The following FRMD4B variants were observed in gnomAD, a reference collection of about 807,000 sequenced individuals.
FRMD4B encodes FERM domain containing 4B, also known as FERM domain-containing protein 4B.
Under a neutral mutation model 141.5 loss-of-function variants are expected in FRMD4B, and 74 were observed. The ratio of observed to expected loss-of-function variants is 0.52; its 90% confidence interval spans 0.43 to 0.63. The LOEUF (loss-of-function observed/expected upper bound fraction) is 0.63, where lower values mean the gene tolerates loss of function less well. Among genes scored for constraint, FRMD4B ranks in the 30% least tolerant of loss-of-function variants. The pLI is 0.00. For missense variants in FRMD4B, 1,366 were observed against 1,253.4 expected, an observed-to-expected ratio of 1.09 and a Z score of -1.36; for synonymous variants, 506 against 467.9, an observed-to-expected ratio of 1.08 and a Z score of -1.05.
intron 7 of FRMD4B, among the ~76,000 whole-genome samples, chr3:69,235,197 A>T (rs957482780): frequency 1.7e-4 from 24 of 141,104 alleles, no homozygotes; most frequent in African/African-American, 6.0e-4. Context: ...AATAATAATA[A>T]TATTTTCAAG....
chr3:69,459,134 CT>C (rs1167849275), intron 1 of FRMD4B, among the ~76,000 whole-genome samples: 2 of 152,162 alleles, frequency 1.3e-5, no homozygotes, highest in African/African-American at 4.8e-5. Flanking sequence ...GATCCACTGC[CT>C]TTTTTCTTGC....
intron 2 of FRMD4B, among the ~76,000 whole-genome samples, chr3:69,427,045 A>G (rs898631360): frequency 1.3e-5 from 2 of 152,134 alleles, no homozygotes; most frequent in African/African-American, 2.4e-5. Context: ...GAAAAATGTC[A>G]GCCTGTCTCA....
intron 19 of FRMD4B, among the ~76,000 whole-genome samples, chr3:69,186,977 AT>A (rs749242652): frequency 2.0e-5 from 3 of 152,156 alleles, no homozygotes; most frequent in Non-Finnish European, 4.4e-5. Context: ...TGCCCTGATA[AT>A]ATTTACCTGA....
chr3:69,211,717 T>TTATA (rs748240262), intron 11 of FRMD4B, among the ~76,000 whole-genome samples: 8 of 152,316 alleles, frequency 5.3e-5, no homozygotes, highest in Non-Finnish European at 7.3e-5. Flanking sequence ...AGGCCTCTCA[T>TTATA]TATAGCCTTT....
At chr3:69,202,949 A>G (rs1305993327) in intron 11 of FRMD4B, among the ~76,000 whole-genome samples, 1 of 152,110 alleles carries the variant, frequency 6.6e-6, no homozygotes, top group African/African-American at 2.4e-5. Flanking sequence ...AAGGTTACAA[A>G]CCTTATCTTA....
chr3:69,410,487 C>T (rs575790928), intron 2 of FRMD4B, among the ~76,000 whole-genome samples: 13 of 151,642 alleles, frequency 8.6e-5, no homozygotes, highest in African/African-American at 3.1e-4. Context: ...AGTGTATGAA[C>T]GTGTATGTAG....
chr3:69,352,742 A>C (rs538284405), intron 1 of FRMD4B, among the ~76,000 whole-genome samples: 7 of 152,352 alleles, frequency 4.6e-5, no homozygotes, highest in African/African-American at 1.7e-4. Flanking sequence ...AGCCGTCCCC[A>C]AAAATGGCAT....
At chr3:69,277,656 C>T (rs1360780221) in intron 5 of FRMD4B, among the ~76,000 whole-genome samples, 4 of 150,222 alleles carry the variant, frequency 2.7e-5, no homozygotes, top group African/African-American at 7.3e-5. Flanking sequence ...CTCCCCGTCC[C>T]GAGTAGCTGG....
chr3:69,470,962 A>C (rs1705878864), intron 1 of FRMD4B, among the ~76,000 whole-genome samples: 1 of 152,224 alleles, frequency 6.6e-6, no homozygotes, highest in African/African-American at 2.4e-5. Flanking sequence ...GATTAACTGC[A>C]TCAGAAATAC....
chr3:69,439,920 T>C (rs1278446137), intron 1 of FRMD4B, among the ~76,000 whole-genome samples: 1 of 152,248 alleles, frequency 6.6e-6, no homozygotes, highest in Non-Finnish European at 1.5e-5. Context: ...TCTATTTTTC[T>C]ATTGGGTAGT....
At chr3:69,482,975 C>A (rs1291975192) in intron 1 of FRMD4B, among the ~76,000 whole-genome samples, 1 of 152,234 alleles carries the variant, frequency 6.6e-6, no homozygotes, top group Non-Finnish European at 1.5e-5. Flanking sequence ...CTAGATAGAA[C>A]TGAGTAACAT....
intron 2 of FRMD4B, among the ~76,000 whole-genome samples, chr3:69,419,893 G>A (rs142569285): frequency 2.4e-4 from 37 of 152,336 alleles, no homozygotes; most frequent in Non-Finnish European, 4.6e-4. Context: ...GTTTTGCCCT[G>A]TCGCCCAGGC....
intron 17 of FRMD4B, 64 bp from the exon 18 acceptor site, chr3:69,190,016 T>C: frequency 6.8e-6 from 6 of 878,296 alleles, no homozygotes; most frequent in Non-Finnish European, 1.1e-5. Context: ...GGGTCTTAGA[T>C]AAACAATTTT....
chr3:69,342,151 T>C (rs904688526), intron 1 of FRMD4B, among the ~76,000 whole-genome samples: 6 of 152,206 alleles, frequency 3.9e-5, no homozygotes, highest in Admixed American at 3.3e-4. Context: ...GAAGGCTTTT[T>C]ATAACTTCCT....
intron 1 of FRMD4B, among the ~76,000 whole-genome samples, chr3:69,535,107 T>TG (rs1701064993): frequency 6.6e-6 from 1 of 152,194 alleles, no homozygotes; most frequent in African/African-American, 2.4e-5. Context: ...ACTTTATAGA[T>TG]GAAGAAACTG....
chr3:69,190,502 C>A (rs1408240705), intron 17 of FRMD4B, among the ~76,000 whole-genome samples: 2 of 151,948 alleles, frequency 1.3e-5, no homozygotes, highest in African/African-American at 4.8e-5. Flanking sequence ...GCAGCCTCAA[C>A]CTCCTGGGCT....
chr3:69,416,363 C>T (rs1019633686), intron 2 of FRMD4B, among the ~76,000 whole-genome samples: 1 of 152,174 alleles, frequency 6.6e-6, no homozygotes, highest in Non-Finnish European at 1.5e-5. Flanking sequence ...AAACTGCATC[C>T]TTGAATTTCT....
intron 1 of FRMD4B, among the ~76,000 whole-genome samples, chr3:69,540,637 ATATATAT>A (rs1443014271): frequency 3.9e-5 from 2 of 51,202 alleles, no homozygotes; most frequent in East Asian, 7.9e-4. Flanking sequence ...AAAAAAAAAA[ATATATAT>A]ATATATATAT....
chr3:69,350,014 A>G (rs1443782628), intron 1 of FRMD4B, among the ~76,000 whole-genome samples: 1 of 152,240 alleles, frequency 6.6e-6, no homozygotes, highest in Admixed American at 6.5e-5. Flanking sequence ...CAGCAAAAAA[A>G]CTATCATCAG....
Sources: gnomAD v4.1 joint callset for allele counts (sites outside exome capture counted in the v4.1 genomes callset) on GRCh38, gnomAD v4.1.1 for gene constraint, MANE v1.5 for transcripts, NCBI Gene and HGNC (gene_info 2026-07-23, HGNC 2026-07-21) for gene names.